The following SMYD3 variants were observed in gnomAD, a reference collection of about 807,000 sequenced individuals.
SMYD3 encodes the protein SET and MYND domain containing 3.
In SMYD3, 36 loss-of-function variants were observed where a neutral mutation model predicts 57.7. The observed-to-expected ratio is 0.62, with a 90% CI of 0.48 to 0.82. The LOEUF (loss-of-function observed/expected upper bound fraction) is 0.82. Ranked by LOEUF, SMYD3 falls within the 40% of genes least tolerant of loss-of-function variation. The pLI, the probability that SMYD3 is intolerant of heterozygous loss-of-function variation, is 0.00. For synonymous variants in SMYD3, 211 were observed against 195.0 expected (o/e 1.08, Z -0.68); for missense variants, 515 against 538.8 (o/e 0.96, Z 0.44).
intron 5 of SMYD3, among the ~76,000 whole-genome samples, chr1:246,321,046 A>G (rs1303583288): frequency 6.6e-6 from 1 of 152,238 alleles, no homozygotes; most frequent in African/African-American, 2.4e-5. Flanking sequence ...GCAACAGTAC[A>G]TGATTTCTGT....
chr1:246,448,704 TAAAAA>T (rs1553349829), intron 1 of SMYD3, among the ~76,000 whole-genome samples: 4 of 81,438 alleles, frequency 4.9e-5, no homozygotes, highest in African/African-American at 2.2e-4. Context: ...CTCTTTTTTT[TAAAAA>T]AAAAAAAAAA....
At chr1:246,067,421 T>TA (rs1316748011) in intron 5 of SMYD3, among the ~76,000 whole-genome samples, 1 of 152,118 alleles carries the variant, frequency 6.6e-6, no homozygotes, top group Non-Finnish European at 1.5e-5. Context: ...GACCAAAAAA[T>TA]AAAAAGTCTA....
intron 10 of SMYD3, among the ~76,000 whole-genome samples, chr1:245,833,859 T>C (rs191475791): frequency 4.1e-4 from 62 of 152,332 alleles, no homozygotes; most frequent in Admixed American, 3.5e-3. Context: ...CCCGCATGAA[T>C]CTTGCACCCC....
intron 5 of SMYD3, among the ~76,000 whole-genome samples, chr1:246,306,414 T>A (rs927187598): frequency 1.3e-5 from 2 of 151,838 alleles, no homozygotes; most frequent in African/African-American, 4.8e-5. Context: ...AAAAAAAAAA[T>A]TAGAAACTGG....
intron 5 of SMYD3, among the ~76,000 whole-genome samples, chr1:246,234,193 C>T (rs1269164129): frequency 6.8e-6 from 1 of 147,354 alleles, no homozygotes; most frequent in African/African-American, 2.5e-5. Flanking sequence ...CTGTGATGAA[C>T]ATATACCACA....
chr1:246,405,313 C>T (rs976126848), intron 1 of SMYD3, among the ~76,000 whole-genome samples: 3 of 152,148 alleles, frequency 2.0e-5, no homozygotes, highest in Non-Finnish European at 4.4e-5. Context: ...AGTAAAGTAG[C>T]ATATCCACCA....
chr1:246,121,052 T>C (rs530118021), intron 5 of SMYD3, among the ~76,000 whole-genome samples: 1 of 152,338 alleles, frequency 6.6e-6, no homozygotes, highest in South Asian at 2.1e-4. Flanking sequence ...TTGAGAAGGA[T>C]ACAGTCTAAG....
intron 7 of SMYD3, among the ~76,000 whole-genome samples, chr1:245,917,556 TG>T (rs1257799468): frequency 6.6e-6 from 1 of 152,164 alleles, no homozygotes; most frequent in African/African-American, 2.4e-5. Flanking sequence ...GTGCACTGGC[TG>T]TTCCCTCTGC....
At chr1:246,249,517 T>G (rs1183036624) in intron 5 of SMYD3, among the ~76,000 whole-genome samples, 1 of 142,578 alleles carries the variant, frequency 7.0e-6, no homozygotes, top group African/African-American at 2.5e-5. Context: ...ATCCTAGTTT[T>G]TTGTTTTTTT....
In SMYD3 at chr1:245,758,576, T is replaced by C. The variant is rs189784404; in HGVS notation, c.1185+5465A>G. On this transcript the variant is annotated intron_variant, in intron 11 of 11. Coordinates refer to ENST00000490107, the MANE Select transcript of SMYD3 (RefSeq NM_001167740.2). ...CTTATCTTCACATTCACCAATTCAT[T>C]CCTCTGTTTCCTCCATTCTGTTGTG... Among the ~76,000 whole-genome samples, 80 of 152,334 alleles carry C rather than the reference T, an allele frequency of 5.3e-4. 3 individuals carry two copies. The East Asian group carries it at 0.013, about 25-fold the overall frequency.
At chr1:246,460,658 G>C (rs1415871238) in intron 1 of SMYD3, among the ~76,000 whole-genome samples, 1 of 152,144 alleles carries the variant, frequency 6.6e-6, no homozygotes, top group African/African-American at 2.4e-5. Context: ...CTGTGCCTTA[G>C]AAAATCCTTT....
At chr1:246,430,392 G>A (rs1047354658) in intron 1 of SMYD3, among the ~76,000 whole-genome samples, 2 of 152,228 alleles carry the variant, frequency 1.3e-5, no homozygotes, top group South Asian at 2.1e-4. Context: ...AAATAACATG[G>A]AGGTATTTCA....
At chr1:245,927,856 G>T in intron 7 of SMYD3, 75 bp downstream of exon 7, 2 of 1,218,138 alleles carry the variant, frequency 1.6e-6, no homozygotes, top group Non-Finnish European at 2.4e-6. Context: ...GGCACAATCA[G>T]TTTTAGGGAC....
At chr1:246,269,373 T>A (rs2064171973) in intron 5 of SMYD3, among the ~76,000 whole-genome samples, 2 of 152,180 alleles carry the variant, frequency 1.3e-5, no homozygotes, top group Admixed American at 6.5e-5. Flanking sequence ...TATGTTCTCA[T>A]TTTTGACGTT....
chr1:246,457,012 T>G (rs2067708775), intron 1 of SMYD3, among the ~76,000 whole-genome samples: 1 of 152,218 alleles, frequency 6.6e-6, no homozygotes, highest in Non-Finnish European at 1.5e-5. Context: ...ATTTAAGTTC[T>G]CCTTTGTGCT....
chr1:246,345,632 A>C (rs1397434637), intron 2 of SMYD3, among the ~76,000 whole-genome samples: 1 of 152,196 alleles, frequency 6.6e-6, no homozygotes, highest in Non-Finnish European at 1.5e-5. Context: ...GGGATGCTCA[A>C]CTTGTATTAT....
At chr1:245,752,771 C>G (rs1425595958) in intron 11 of SMYD3, among the ~76,000 whole-genome samples, 1 of 152,196 alleles carries the variant, frequency 6.6e-6, no homozygotes, top group Non-Finnish European at 1.5e-5. Flanking sequence ...TCCAGCTTCA[C>G]ATCCACACCT....
chr1:246,022,803 T>G (rs902903141), intron 5 of SMYD3, among the ~76,000 whole-genome samples: 2 of 152,192 alleles, frequency 1.3e-5, no homozygotes, highest in African/African-American at 4.8e-5. Context: ...TAGGAGTGGC[T>G]GGGAGGAGAA....
intron 10 of SMYD3, among the ~76,000 whole-genome samples, chr1:245,834,725 C>T (rs536574721): frequency 3.0e-4 from 46 of 152,280 alleles, no homozygotes; most frequent in East Asian, 2.1e-3. Flanking sequence ...CATTTCAGCC[C>T]GTACATGGGA....
Sources: allele counts gnomAD v4.1 joint callset (sites outside exome capture counted in the v4.1 genomes callset), GRCh38; gene constraint gnomAD v4.1.1; transcripts MANE v1.5; gene names NCBI Gene and HGNC (gene_info 2026-07-23, HGNC 2026-07-21).